SMIM13: variants seen among roughly 807,000 people sequenced by gnomAD.
The protein encoded by SMIM13 is small integral membrane protein 13.
A neutral mutation model predicts 5.9 loss-of-function variants in SMIM13; 3 were observed. That is an observed-to-expected ratio of 0.51 (90% CI 0.23 to 1.31). The LOEUF (loss-of-function observed/expected upper bound fraction) is 1.31, where lower values mean the gene tolerates loss of function less well. SMIM13 is among the 40% of genes most tolerant of loss of function. SMIM13 has a pLI of 0.18. For missense variants in SMIM13, 85 were observed against 109.9 expected, an observed-to-expected ratio of 0.77 and a Z score of 1.01; for synonymous variants, 55 against 46.0, an observed-to-expected ratio of 1.19 and a Z score of -0.79.
intron 1 of SMIM13, among the ~76,000 whole-genome samples, chr6:11,107,021 C>T (rs760755620): frequency 2.6e-5 from 4 of 152,140 alleles, no homozygotes; most frequent in African/African-American, 4.8e-5. Context: ...CAGAGGTCCC[C>T]GGGGACAGAG....
intron 1 of SMIM13, among the ~76,000 whole-genome samples, chr6:11,113,956 CAT>C (rs1483281003): frequency 2.0e-5 from 3 of 148,870 alleles, no homozygotes; most frequent in Non-Finnish European, 4.5e-5. Flanking sequence ...TAAGGTATGA[CAT>C]ATAAAGTTAT....
At chr6:11,116,978 G>GTTTTTT (rs1561756849) in intron 1 of SMIM13, among the ~76,000 whole-genome samples, 1 of 67,708 alleles carries the variant, frequency 1.5e-5, no homozygotes, top group Non-Finnish European at 3.0e-5. Flanking sequence ...AATGATAATT[G>GTTTTTT]TTTCTTTTTT....
chr6:11,111,028 T>G (rs1259808352), intron 1 of SMIM13, among the ~76,000 whole-genome samples: 1 of 152,180 alleles, frequency 6.6e-6, no homozygotes, highest in African/African-American at 2.4e-5. Context: ...AGGTTCTGAT[T>G]AGTGTCTATC....
chr6:11,094,292 C>T lies in SMIM13; in HGVS notation c.-22C>T. On this transcript the variant is annotated 5_prime_UTR_variant, in exon 1 of 2. Transcript: ENST00000416247. ...GCCGTCCGCGCCAGCCGCCCCGAGC[C>T]GACTGCCCTTCTGCCCCCAAGATGT... 1 of 1,427,008 alleles carries T rather than the reference C, an allele frequency of 7.0e-7. No homozygotes were observed. Among genetic ancestry groups the T allele is most frequent in the Non-Finnish European group, 9.2e-7 (1 of 1,081,444 alleles). 88.4% of individuals were successfully genotyped at this position (1,427,008 alleles called of 1,614,324 possible).
chr6:11,104,264 C>T (rs571388435), intron 1 of SMIM13: 8 of 1,551,680 alleles, frequency 5.2e-6, no homozygotes, highest in African/African-American at 4.1e-5. Flanking sequence ...GGATTGCCCT[C>T]CTCACCCTGG....
In SMIM13 at chr6:11,134,738, C is replaced by A; in HGVS notation, c.*136C>A. 2.9e-6 allele frequency: 2 copies of A among 681,624 alleles called. No individual in the cohort carries two copies. Among genetic ancestry groups the A allele is most frequent in the Non-Finnish European group, 4.4e-6 (2 of 453,912 alleles). The allele number at this position is 681,624 out of a possible 1,614,324, so 42.2% of individuals were successfully genotyped here. A position where few individuals can be genotyped will look rare whatever the true frequency, so the allele number is the denominator to read the frequency against. The stretch of plus-strand genomic sequence containing the variant: ...TTTTAAAAAAGATTTACATGTAAGC[C>A]ATATAAAAATAAAGGGAACTGAAAC... On this transcript the variant is annotated 3_prime_UTR_variant, in exon 2 of 2. Coordinates refer to ENST00000416247, the MANE Select transcript of SMIM13 (RefSeq NM_001135575.2).
chr6:11,094,423 C>T (rs1405320932), intron 1 of SMIM13, 34 bp downstream of exon 1: 7 of 1,496,958 alleles, frequency 4.7e-6, no homozygotes, highest in Non-Finnish European at 6.3e-6. Context: ...GGCAGTTCCA[C>T]ACGCCGGGTC....
intron 1 of SMIM13, among the ~76,000 whole-genome samples, chr6:11,097,423 A>G (rs1464747939): frequency 6.6e-6 from 1 of 152,110 alleles, no homozygotes; most frequent in African/African-American, 2.4e-5. Flanking sequence ...TGGAAGGCAG[A>G]GGCAGGCAGA....
chr6:11,133,583 C>T (rs573606176), intron 1 of SMIM13, among the ~76,000 whole-genome samples: 26 of 152,196 alleles, frequency 1.7e-4, no homozygotes, highest in African/African-American at 5.3e-4. Flanking sequence ...ACCTTGTTAG[C>T]GTGGTTAAGT....
intron 1 of SMIM13, among the ~76,000 whole-genome samples, chr6:11,123,633 T>C (rs989101835): frequency 6.6e-6 from 1 of 152,256 alleles, no homozygotes; most frequent in East Asian, 1.9e-4. Flanking sequence ...CAAAGCATTT[T>C]CTTACAGTTC....
intron 1 of SMIM13, among the ~76,000 whole-genome samples, chr6:11,120,480 T>G (rs1758295869): frequency 6.6e-6 from 1 of 152,188 alleles, no homozygotes; most frequent in South Asian, 2.1e-4. Context: ...TTTTAATAAA[T>G]GCATTAATCC....
At chr6:11,119,431 A>G (rs28398060) in intron 1 of SMIM13, among the ~76,000 whole-genome samples, 32,750 of 152,006 alleles carry the variant, frequency 0.22, 3,881 homozygotes, top group African/African-American at 0.31. Context: ...GAGACAGGCG[A>G]ATCACGAGGT....
At position 11,094,313 on chromosome 6, in the gene SMIM13, G is replaced by A. The variant is rs1179524970; in HGVS notation, c.-1G>A. The A allele has an allele frequency of 1.3e-6, 2 of 1,495,006 alleles. No individual in the cohort carries two copies. The highest frequency in any genetic ancestry group is 1.8e-6 in the Non-Finnish European group (2 of 1,119,666). The allele number at this position is 1,495,006 out of a possible 1,614,324, so 92.6% of individuals were successfully genotyped here. The stretch of plus-strand genomic sequence containing the variant: ...GAGCCGACTGCCCTTCTGCCCCCAA[G>A]ATGTGGCACAGCGTCGGGCTGACTC... On this transcript the variant is annotated 5_prime_UTR_variant, in exon 1 of 2. Coordinates refer to ENST00000416247, the MANE Select transcript of SMIM13 (RefSeq NM_001135575.2).
chr6:11,118,525 A>C (rs912898954), intron 1 of SMIM13, among the ~76,000 whole-genome samples: 5 of 152,224 alleles, frequency 3.3e-5, no homozygotes, highest in African/African-American at 1.2e-4. Context: ...TGATTAAACC[A>C]TACGTTTCGT....
chr6:11,123,312 C>G (rs1186715180), intron 1 of SMIM13, among the ~76,000 whole-genome samples: 2 of 152,220 alleles, frequency 1.3e-5, no homozygotes, highest in Non-Finnish European at 2.9e-5. Context: ...TAGTGCTTGT[C>G]CCTCGTAAGG....
At chr6:11,119,729 C>CAGA (rs370067731) in intron 1 of SMIM13, among the ~76,000 whole-genome samples, 6 of 151,824 alleles carry the variant, frequency 4.0e-5, no homozygotes, top group Non-Finnish European at 5.9e-5. Context: ...TTGTGATCAC[C>CAGA]AGAAGAAGAA....
At chr6:11,117,165 A>ATTTTTTTTTTTTTTTTTTTTTTTT (rs34579750) in intron 1 of SMIM13, among the ~76,000 whole-genome samples, 4 of 69,032 alleles carry the variant, frequency 5.8e-5, no homozygotes, top group African/African-American at 2.2e-4. Context: ...TAATTTTTGT[A>ATTTTTTTTTTTTTTTTTTTTTTTT]TTTTTTTTTT....
intron 1 of SMIM13, among the ~76,000 whole-genome samples, chr6:11,132,468 G>T (rs1023071754): frequency 6.6e-6 from 1 of 152,234 alleles, no homozygotes; most frequent in Admixed American, 6.5e-5. Context: ...AATATTCATT[G>T]CAGTCAAAAA....
At chr6:11,100,872 T>C (rs1298996739) in intron 1 of SMIM13, among the ~76,000 whole-genome samples, 9 of 152,146 alleles carry the variant, frequency 5.9e-5, no homozygotes, top group African/African-American at 2.2e-4. Context: ...TTCAAGATGC[T>C]TTTTGGATAG....
Sources: allele counts gnomAD v4.1 joint callset (sites outside exome capture counted in the v4.1 genomes callset), GRCh38; gene constraint gnomAD v4.1.1; transcripts MANE v1.5; gene names NCBI Gene and HGNC (gene_info 2026-07-23, HGNC 2026-07-21).